Variants in CTNNA2 observed in about 807,000 individuals in gnomAD.
The protein encoded by CTNNA2 is catenin alpha-2.
In CTNNA2, 42 loss-of-function variants were observed where a neutral mutation model predicts 101.0. The observed-to-expected ratio is 0.42, with a 90% confidence interval of 0.32 to 0.54. CTNNA2 has a LOEUF of 0.54. CTNNA2 is among the 20% of genes least tolerant of loss of function. The pLI is 0.14. For missense variants in CTNNA2, 871 were observed against 1,223.1 expected (o/e 0.71, Z 4.29); for synonymous variants, 450 against 456.4 (o/e 0.99, Z 0.18).
chr2:80,013,695 C>G (rs1693939653), intron 7 of CTNNA2, among the ~76,000 whole-genome samples: 2 of 152,162 alleles, frequency 1.3e-5, no homozygotes, highest in East Asian at 1.9e-4. Flanking sequence ...CAGTCTCTCC[C>G]TAAGTAGAAT....
At chr2:80,307,089 C>CT (rs1252639802) in intron 7 of CTNNA2, among the ~76,000 whole-genome samples, 1 of 149,142 alleles carries the variant, frequency 6.7e-6, no homozygotes, top group Non-Finnish European at 1.5e-5. Flanking sequence ...CTATATATTG[C>CT]TTTTTGCATT....
At chr2:79,789,097 C>T (rs1050181790) in intron 3 of CTNNA2, among the ~76,000 whole-genome samples, 6 of 152,112 alleles carry the variant, frequency 3.9e-5, no homozygotes, top group Non-Finnish European at 5.9e-5. Context: ...ATGTTACAAT[C>T]GTCATATAAG....
intron 9 of CTNNA2, among the ~76,000 whole-genome samples, chr2:80,439,590 G>T (rs975382129): frequency 2.6e-5 from 4 of 152,090 alleles, no homozygotes; most frequent in Non-Finnish European, 5.9e-5. Context: ...TAGTAGAGAA[G>T]AGGTTTTGCC....
chr2:79,644,919 C>A (rs1451152837), intron 1 of CTNNA2, among the ~76,000 whole-genome samples: 8 of 152,030 alleles, frequency 5.3e-5, no homozygotes, highest in Non-Finnish European at 1.0e-4. Flanking sequence ...AAAAGCCGTA[C>A]GCCAGAGTGG....
intron 1 of CTNNA2, among the ~76,000 whole-genome samples, chr2:79,562,872 G>T (rs760566710): frequency 2.6e-5 from 4 of 151,438 alleles, no homozygotes; most frequent in Admixed American, 6.6e-5. Context: ...GCTAAACTTG[G>T]GTGTGTGTGT....
chr2:79,779,054 A>G (rs1674223798), intron 3 of CTNNA2, among the ~76,000 whole-genome samples: 1 of 151,976 alleles, frequency 6.6e-6, no homozygotes, highest in Non-Finnish European at 1.5e-5. Flanking sequence ...GGGAAGGCTC[A>G]TTTGCCAAAT....
chr2:79,337,129 C>T (rs562858411), intron 3 of CTNNA2, among the ~76,000 whole-genome samples: 3 of 152,280 alleles, frequency 2.0e-5, no homozygotes, highest in African/African-American at 7.2e-5. Flanking sequence ...TTTTCCAAAG[C>T]TTTGCTTCTT....
intron 18 of CTNNA2, among the ~76,000 whole-genome samples, chr2:80,631,527 A>T (rs537038274): frequency 2.6e-5 from 4 of 152,098 alleles, no homozygotes; most frequent in Non-Finnish European, 5.9e-5. Flanking sequence ...GACCAAAGAG[A>T]TGATATTTCC....
At chr2:79,198,398 T>C (rs752162186) in intron 2 of CTNNA2, among the ~76,000 whole-genome samples, 6 of 152,216 alleles carry the variant, frequency 3.9e-5, no homozygotes, top group African/African-American at 7.2e-5. Context: ...TTGTATTTTC[T>C]CTAGACACTA....
chr2:79,824,961 T>C (rs2941754), intron 3 of CTNNA2, among the ~76,000 whole-genome samples: 137,491 of 152,202 alleles, frequency 0.9, 62,212 homozygotes, highest in Non-Finnish European at 0.91. Context: ...GAAGCTGAGG[T>C]GGAGGATTGC....
At chr2:79,973,291 G>A (rs472725) in intron 7 of CTNNA2, among the ~76,000 whole-genome samples, 100,729 of 151,942 alleles carry the variant, frequency 0.66, 34,104 homozygotes, top group Non-Finnish European at 0.74. Context: ...AGCAGGGTAG[G>A]CATGCAGGCT....
intron 5 of CTNNA2, among the ~76,000 whole-genome samples, chr2:79,505,777 C>G (rs1357255133): frequency 6.6e-6 from 1 of 152,156 alleles, no homozygotes. Flanking sequence ...AAATAGTGTG[C>G]TCTGTGCACT....
chr2:80,021,537 T>C (rs1017023099), intron 7 of CTNNA2, among the ~76,000 whole-genome samples: 2 of 152,108 alleles, frequency 1.3e-5, no homozygotes, highest in African/African-American at 4.8e-5. Context: ...CATTCCACAC[T>C]CTAGGAGCTG....
chr2:80,472,065 T>A (rs1685350261), intron 9 of CTNNA2, among the ~76,000 whole-genome samples: 1 of 151,526 alleles, frequency 6.6e-6, no homozygotes, highest in Admixed American at 6.6e-5. Flanking sequence ...AGGCAGAGGT[T>A]GCAGTGATTG....
intron 7 of CTNNA2, among the ~76,000 whole-genome samples, chr2:80,186,708 C>T (rs570007199): frequency 6.6e-6 from 1 of 152,206 alleles, no homozygotes; most frequent in Admixed American, 6.5e-5. Flanking sequence ...GATGCCAAGC[C>T]CACTTCTTTA....
chr2:80,006,156 A>AT (rs1693327093), intron 7 of CTNNA2, among the ~76,000 whole-genome samples: 1 of 152,092 alleles, frequency 6.6e-6, no homozygotes, highest in Non-Finnish European at 1.5e-5. Flanking sequence ...TTTTAACAGT[A>AT]TTTAATTGTT....
At chr2:79,413,452 T>C (rs181143353) in intron 4 of CTNNA2, among the ~76,000 whole-genome samples, 1 of 152,214 alleles carries the variant, frequency 6.6e-6, no homozygotes, top group East Asian at 1.9e-4. Flanking sequence ...ATTTTCTTCA[T>C]TCAGTCACTC....
intron 6 of CTNNA2, among the ~76,000 whole-genome samples, chr2:79,887,771 G>A (rs1683994048): frequency 6.6e-6 from 1 of 152,100 alleles, no homozygotes; most frequent in Admixed American, 6.5e-5. Context: ...ATGCTTAGTG[G>A]GAACCAGAAA....
At chr2:80,475,426 T>A (rs1424749964) in intron 9 of CTNNA2, among the ~76,000 whole-genome samples, 1 of 152,218 alleles carries the variant, frequency 6.6e-6, no homozygotes, top group African/African-American at 2.4e-5. Flanking sequence ...ATATTTTTAA[T>A]TTATTAAGAA....
Sources: gnomAD v4.1 joint callset for allele counts (sites outside exome capture counted in the v4.1 genomes callset) on GRCh38, gnomAD v4.1.1 for gene constraint, MANE v1.5 for transcripts, NCBI Gene and HGNC (gene_info 2026-07-23, HGNC 2026-07-21) for gene names.